The following GREB1L variants were observed in gnomAD, a reference collection of about 807,000 sequenced individuals.
GREB1L encodes the protein GREB1-like protein.
Under a neutral mutation model 200.8 loss-of-function variants are expected in GREB1L, and 17 were observed. The ratio of observed to expected loss-of-function variants is 0.08; its 90% CI spans 0.06 to 0.13. The LOEUF is 0.13. Ranked by LOEUF, GREB1L falls within the 10% of genes least tolerant of loss-of-function variation. The pLI, the probability that GREB1L is intolerant of heterozygous loss-of-function variation, is 1.00. For missense variants in GREB1L, 1,657 were observed against 2,367.7 expected (o/e 0.70, Z 6.23); for synonymous variants, 789 against 893.0 (o/e 0.88, Z 2.08).
intron 17 of GREB1L, among the ~76,000 whole-genome samples, chr18:21,481,455 G>A (rs917296688): frequency 3.5e-5 from 5 of 141,612 alleles, no homozygotes; most frequent in Non-Finnish European, 6.3e-5. Flanking sequence ...GTGTGTGTGT[G>A]TGTGTGTGTG....
intron 7 of GREB1L, among the ~76,000 whole-genome samples, chr18:21,423,135 T>A (rs1478542309): frequency 1.1e-4 from 16 of 152,284 alleles, no homozygotes; most frequent in Admixed American, 6.5e-4. Context: ...TTCACCATGT[T>A]GGCCGGGCTC....
chr18:21,317,367 A>G (rs1361144925), intron 1 of GREB1L: 1 of 151,956 alleles, frequency 6.6e-6, no homozygotes, highest in Non-Finnish European at 1.5e-5. Flanking sequence ...TTGGGAGACA[A>G]AGGTGGGTAG....
chr18:21,306,999 C>T (rs1464290146), intron 1 of GREB1L, among the ~76,000 whole-genome samples: 2 of 152,140 alleles, frequency 1.3e-5, no homozygotes, highest in Non-Finnish European at 2.9e-5. Flanking sequence ...TCCATTATTC[C>T]ATTGTGTTAT....
intron 5 of GREB1L, among the ~76,000 whole-genome samples, chr18:21,398,207 C>T (rs540716946): frequency 2.0e-5 from 3 of 152,156 alleles, no homozygotes; most frequent in Non-Finnish European, 2.9e-5. Flanking sequence ...AGAATCAGAA[C>T]TGTGTTCTAA....
chr18:21,461,389 A>T (rs2035041090), intron 15 of GREB1L, among the ~76,000 whole-genome samples: 1 of 151,732 alleles, frequency 6.6e-6, no homozygotes, highest in African/African-American at 2.4e-5. Context: ...TGTTAATCCC[A>T]CCTGGCCCTC....
chr18:21,333,327 A>G (rs974961307), intron 1 of GREB1L, among the ~76,000 whole-genome samples: 1 of 152,138 alleles, frequency 6.6e-6, no homozygotes, highest in Non-Finnish European at 1.5e-5. Context: ...GTATTATCTT[A>G]GTTACTCTGT....
At chr18:21,468,929 C>T in intron 15 of GREB1L, 1 of 378,458 alleles carries the variant, frequency 2.6e-6, no homozygotes, top group East Asian at 7.3e-5. Flanking sequence ...GATACTGTGT[C>T]CTCATTGCAT....
chr18:21,461,334 A>G (rs1598879838), intron 15 of GREB1L, among the ~76,000 whole-genome samples: 1 of 151,880 alleles, frequency 6.6e-6, no homozygotes, highest in East Asian at 1.9e-4. Flanking sequence ...GTCTCGTTCC[A>G]TCAGTGTCAA....
chr18:21,418,730 G>A (rs926348408), intron 7 of GREB1L, among the ~76,000 whole-genome samples: 1 of 152,076 alleles, frequency 6.6e-6, no homozygotes, highest in African/African-American at 2.4e-5. Context: ...TCACCATGTT[G>A]GCCAGGCTGG....
chr18:21,262,580 AGTTT>A (rs1397045298), intron 1 of GREB1L, among the ~76,000 whole-genome samples: 2 of 152,008 alleles, frequency 1.3e-5, no homozygotes, highest in African/African-American at 2.4e-5. Flanking sequence ...AAGCCCAGTT[AGTTT>A]AAGACAGATA....
At chr18:21,354,905 A>G (rs1165847368) in intron 1 of GREB1L, among the ~76,000 whole-genome samples, 1 of 152,220 alleles carries the variant, frequency 6.6e-6, no homozygotes. Context: ...AGAGAAATGT[A>G]AAATCTCGAA....
chr18:21,321,293 A>G (rs1426034356), intron 1 of GREB1L, among the ~76,000 whole-genome samples: 1 of 151,932 alleles, frequency 6.6e-6, no homozygotes, highest in East Asian at 1.9e-4. Context: ...CTCAAAAAAT[A>G]AAATTAAATA....
At chr18:21,275,078 A>G (rs912633485) in intron 1 of GREB1L, among the ~76,000 whole-genome samples, 13 of 151,992 alleles carry the variant, frequency 8.6e-5, no homozygotes, top group African/African-American at 2.4e-4. Context: ...CATCTCTACT[A>G]AAAATACAAA....
chr18:21,325,813 C>CAAAAAA (rs60239796), intron 1 of GREB1L, among the ~76,000 whole-genome samples: 1 of 41,658 alleles, frequency 2.4e-5, no homozygotes, highest in African/African-American at 4.6e-5. Context: ...GACCTTGTCT[C>CAAAAAA]AAAAAAAAAA....
intron 1 of GREB1L, among the ~76,000 whole-genome samples, chr18:21,250,840 T>C (rs1386245731): frequency 6.6e-6 from 1 of 152,216 alleles, no homozygotes; most frequent in Admixed American, 6.5e-5. Flanking sequence ...TTGGTTTTTT[T>C]CTCATGTTTT....
At chr18:21,379,913 A>G (rs1230656150) in intron 2 of GREB1L, among the ~76,000 whole-genome samples, 3 of 152,150 alleles carry the variant, frequency 2.0e-5, no homozygotes, top group South Asian at 2.1e-4. Flanking sequence ...ATTTCAGTTG[A>G]CAGACTTTGT....
At chr18:21,334,378 A>G (rs72881357) in intron 1 of GREB1L, among the ~76,000 whole-genome samples, 4,452 of 152,274 alleles carry the variant, frequency 0.029, 96 homozygotes, top group Non-Finnish European at 0.047. Flanking sequence ...AGTTTTTTGA[A>G]GATGATAAAA....
At chr18:21,466,955 AT>A (rs955319816) in intron 15 of GREB1L, among the ~76,000 whole-genome samples, 5 of 152,220 alleles carry the variant, frequency 3.3e-5, no homozygotes, top group Non-Finnish European at 5.9e-5. Context: ...TAAACCTCCC[AT>A]TTACAATCAA....
chr18:21,439,857 A>G (rs1157091575), intron 8 of GREB1L, among the ~76,000 whole-genome samples: 2 of 152,226 alleles, frequency 1.3e-5, no homozygotes, highest in Non-Finnish European at 2.9e-5. Context: ...ACAAATGTAT[A>G]AGGAAGTGTC....
Sources: allele counts gnomAD v4.1 joint callset (sites outside exome capture counted in the v4.1 genomes callset), GRCh38; gene constraint gnomAD v4.1.1; transcripts MANE v1.5; gene names NCBI Gene and HGNC (gene_info 2026-07-23, HGNC 2026-07-21).